CYRIB: variants seen among roughly 807,000 people sequenced by gnomAD.
CYRIB encodes the protein CYFIP-related Rac1 interactor B.
A neutral mutation model predicts 44.2 loss-of-function variants in CYRIB; 8 were observed. That is an observed-to-expected ratio of 0.18 (90% CI 0.11 to 0.33). CYRIB has a LOEUF of 0.33. CYRIB is among the 10% of genes least tolerant of loss of function. The pLI, the probability that CYRIB is intolerant of heterozygous loss-of-function variation, is 1.00. For synonymous variants in CYRIB, 131 were observed against 127.2 expected (o/e 1.03, Z -0.20); for missense variants, 185 against 382.8 (o/e 0.48, Z 4.31).
intron 2 of CYRIB, among the ~76,000 whole-genome samples, chr8:129,967,470 C>T (rs909621992): frequency 6.6e-6 from 1 of 151,864 alleles, no homozygotes; most frequent in South Asian, 2.1e-4. Context: ...AACTCCACCT[C>T]CCAGGTTCAC....
chr8:129,944,687 G>A (rs996211462), upstream of CYRIB, among the ~76,000 whole-genome samples: 1 of 151,868 alleles, frequency 6.6e-6, no homozygotes, highest in African/African-American at 2.4e-5. Context: ...GAAGGCTAAG[G>A]CAGGAGAATC....
chr8:129,946,147 G>A (rs181810015), intron 2 of CYRIB, among the ~76,000 whole-genome samples: 32 of 152,228 alleles, frequency 2.1e-4, no homozygotes, highest in Non-Finnish European at 1.0e-4. Context: ...TGACCTCAGC[G>A]TAAGCTCCCT....
chr8:129,859,237 A>G (rs912907908), intron 5 of CYRIB, among the ~76,000 whole-genome samples: 7 of 152,174 alleles, frequency 4.6e-5, no homozygotes, highest in Admixed American at 2.0e-4. Flanking sequence ...GAAACAGCTT[A>G]CATTATTATT....
At chr8:129,894,717 G>A (rs1396984865) in intron 2 of CYRIB, among the ~76,000 whole-genome samples, 1 of 151,990 alleles carries the variant, frequency 6.6e-6, no homozygotes, top group Non-Finnish European at 1.5e-5. Context: ...GCTTGTCTCT[G>A]GTAAAAGCAG....
At chr8:129,943,690 C>G (rs1240965887), upstream of CYRIB, among the ~76,000 whole-genome samples, 1 of 146,694 alleles carries the variant, frequency 6.8e-6, no homozygotes, top group Non-Finnish European at 1.5e-5. Context: ...GCTCCGCCTC[C>G]CGGGTTCACG....
intron 1 of CYRIB, among the ~76,000 whole-genome samples, chr8:129,910,663 T>C (rs1385371210): frequency 6.6e-6 from 1 of 152,058 alleles, no homozygotes; most frequent in Non-Finnish European, 1.5e-5. Context: ...CCAGGTCTAG[T>C]AACATACAAC....
At chr8:129,911,577 G>A (rs1412642552) in intron 1 of CYRIB, among the ~76,000 whole-genome samples, 4 of 151,906 alleles carry the variant, frequency 2.6e-5, no homozygotes, top group African/African-American at 7.3e-5. Flanking sequence ...CAAGGTGGGC[G>A]AATCACGAGG....
intron 4 of CYRIB, among the ~76,000 whole-genome samples, chr8:129,865,572 T>C (rs383209): frequency 0.57 from 86,490 of 152,102 alleles, 25,204 homozygotes; most frequent in African/African-American, 0.7. Context: ...AAAAATGCCA[T>C]CATTTCTCAG....
chr8:129,967,050 T>C (rs1315284464), intron 2 of CYRIB, among the ~76,000 whole-genome samples: 1 of 152,158 alleles, frequency 6.6e-6, no homozygotes, highest in African/African-American at 2.4e-5. Context: ...ATTAGTGCAG[T>C]GGCCCATAAT....
rs148823579 is a variant in CYRIB, at chr8:129,909,143, C to T, written c.-49-5793G>A. Among the ~76,000 whole-genome samples, 70 of 152,120 alleles carry T rather than the reference C, an allele frequency of 4.6e-4. No individual in the cohort carries two copies. In the South Asian group the frequency reaches 0.01, roughly 22 times the overall value. On this transcript the variant is annotated intron_variant, in intron 1 of 11. Coordinates refer to ENST00000519824, the Ensembl canonical transcript of CYRIB. ...CCCATGCTCCAGAAGATTTGAAATACCAACATTTCTAATTATCTCTAAAGT... is the reference window on the plus strand; with the variant it reads ...CCCATGCTCCAGAAGATTTGAAATATCAACATTTCTAATTATCTCTAAAGT...
At chr8:130,002,305 T>TA (rs1414917532) in intron 1 of CYRIB, among the ~76,000 whole-genome samples, 1 of 151,818 alleles carries the variant, frequency 6.6e-6, no homozygotes, top group Admixed American at 6.6e-5. Flanking sequence ...TACAAATAAT[T>TA]AAAAAATTAA....
rs769043974 is a variant in CYRIB, at chr8:129,871,401, T to C, written c.169A>G (p.Arg57Gly). The change falls in exon 4 of 12, where the codon AGA becomes GGA. Residue 57 changes from arginine to glycine, a missense_variant. Coordinates refer to ENST00000519824, the Ensembl canonical transcript of CYRIB. Reference sequence around the variant, plus strand: ...TCTCGTATTTCGTGGCCAGCTCCTCTGTATGACTGCAAGTCCTCCAAGATG... The same window carrying C: ...TCTCGTATTTCGTGGCCAGCTCCTCCGTATGACTGCAAGTCCTCCAAGATG... 10 of 1,609,838 alleles carry C rather than the reference T, an allele frequency of 6.2e-6. No individual in the cohort carries two copies. In the East Asian group the frequency reaches 2.0e-4, roughly 32 times the overall value.
rs565568710 is a variant in CYRIB at position 129,890,906 on chromosome 8, T to TA, written c.-10-11436dup. Among the ~76,000 whole-genome samples, 164 of 128,360 alleles carry TA rather than the reference T, an allele frequency of 1.3e-3. 2 individuals are homozygous for TA. In the South Asian group the frequency reaches 0.026, roughly 21 times the overall value. The allele number at this position is 128,360 out of a possible 152,430, so 84.2% of individuals were successfully genotyped here. On this transcript the variant is annotated intron_variant, in intron 2 of 11. Transcript: ENST00000519824. ...AGAATGTCCCAAAAAAGATAAAATT[T>TA]AAAAAAAAAAAGAAAAAATAAAAGA...
intron 1 of CYRIB, among the ~76,000 whole-genome samples, chr8:129,936,141 A>G (rs1030938432): frequency 2.0e-5 from 3 of 152,356 alleles, no homozygotes; most frequent in African/African-American, 7.2e-5. Context: ...ATGTTTTACA[A>G]ATACTTAATA....
Position 129,855,764 on chromosome 8 carries a change from A to G in CYRIB, c.302-17T>C. The G allele has an allele frequency of 6.3e-7, 1 of 1,586,892 alleles. No homozygotes were observed. The highest frequency in any genetic ancestry group is 1.1e-5 in the South Asian group (1 of 87,044). ...ATGCTGCTTCTAAAGAAAAAAATTG[A>G]AAAAAACATTAAGTTGTTTGTATCT... is the stretch of plus-strand genomic sequence containing the variant. On this transcript the variant is annotated splice_polypyrimidine_tract_variant and intron_variant, in intron 5 of 11. Coordinates refer to ENST00000519824, the Ensembl canonical transcript of CYRIB.
At chr8:129,992,299 A>T (rs2096658995) in intron 1 of CYRIB, among the ~76,000 whole-genome samples, 1 of 152,220 alleles carries the variant, frequency 6.6e-6, no homozygotes, top group Admixed American at 6.5e-5. Flanking sequence ...GCCTCAAAAA[A>T]TAAAAATAAA....
chr8:129,871,478 G>C, exon 4 of CYRIB: 1 of 1,608,962 alleles, frequency 6.2e-7, no homozygotes, highest in Non-Finnish European at 8.5e-7. Context: ...TTCCTTCTCA[G>C]ACTCTGTAGG....
chr8:129,921,145 T>C (rs1321015196), intron 1 of CYRIB, among the ~76,000 whole-genome samples: 1 of 152,224 alleles, frequency 6.6e-6, no homozygotes, highest in Non-Finnish European at 1.5e-5. Context: ...ACATAAGTCT[T>C]ATCTATTAAA....
At chr8:129,861,915 A>G (rs2049919145) in intron 5 of CYRIB, among the ~76,000 whole-genome samples, 1 of 152,174 alleles carries the variant, frequency 6.6e-6, no homozygotes, top group Non-Finnish European at 1.5e-5. Flanking sequence ...CATATATGGG[A>G]AAGTAATCCT....
Sources: gnomAD v4.1 joint callset for allele counts (sites outside exome capture counted in the v4.1 genomes callset) on GRCh38, gnomAD v4.1.1 for gene constraint, MANE v1.5 for transcripts, NCBI Gene and HGNC (gene_info 2026-07-23, HGNC 2026-07-21) for gene names.